VTI1A: variants seen among roughly 807,000 people sequenced by gnomAD.
The protein encoded by VTI1A is vesicle transport through interaction with t-SNAREs homolog 1A.
A neutral mutation model predicts 34.9 loss-of-function variants in VTI1A; 22 were observed. That is an observed-to-expected ratio of 0.63 (90% CI 0.45 to 0.90). VTI1A has a LOEUF of 0.90. VTI1A is among the 40% of genes least tolerant of loss of function. The pLI, the probability that VTI1A is intolerant of heterozygous loss-of-function variation, is 0.00. For synonymous variants in VTI1A, 87 were observed against 97.3 expected (o/e 0.89, Z 0.62); for missense variants, 268 against 275.6 (o/e 0.97, Z 0.20).
intron 5 of VTI1A, among the ~76,000 whole-genome samples, chr10:112,545,290 A>G (rs1851034776): frequency 6.6e-6 from 1 of 152,234 alleles, no homozygotes; most frequent in Non-Finnish European, 1.5e-5. Flanking sequence ...TGTGCCTTGT[A>G]GGGACAAATG....
chr10:112,509,061 T>TA (rs1486647766), intron 3 of VTI1A, among the ~76,000 whole-genome samples: 1 of 152,150 alleles, frequency 6.6e-6, no homozygotes, highest in Non-Finnish European at 1.5e-5. Context: ...TGGACATGAG[T>TA]ATTTGAGGCC....
At chr10:112,611,447 C>G (rs1467813283) in intron 5 of VTI1A, among the ~76,000 whole-genome samples, 1 of 152,114 alleles carries the variant, frequency 6.6e-6, no homozygotes, top group African/African-American at 2.4e-5. Context: ...GGTAATTTGG[C>G]AACATATTAT....
At chr10:112,822,496 A>G (rs1853671541), downstream of VTI1A, among the ~76,000 whole-genome samples, 1 of 152,184 alleles carries the variant, frequency 6.6e-6, no homozygotes, top group Non-Finnish European at 1.5e-5. Context: ...GGCTGAAGGA[A>G]GTCCAAATCC....
intron 7 of VTI1A, among the ~76,000 whole-genome samples, chr10:112,722,986 T>C (rs1355629535): frequency 2.0e-5 from 3 of 152,220 alleles, no homozygotes; most frequent in Non-Finnish European, 4.4e-5. Context: ...ACACTGCTGC[T>C]CTTGAGCCAG....
chr10:112,648,295 G>A (rs1846881812), intron 5 of VTI1A, among the ~76,000 whole-genome samples: 1 of 152,138 alleles, frequency 6.6e-6, no homozygotes, highest in African/African-American at 2.4e-5. Flanking sequence ...GAAAGTTAAT[G>A]GTTTGTGCTG....
intron 5 of VTI1A, among the ~76,000 whole-genome samples, chr10:112,553,594 A>C (rs1484051597): frequency 6.6e-6 from 1 of 152,202 alleles, no homozygotes. Context: ...CAGCCCTTTC[A>C]GGTAGTTATT....
At chr10:112,695,080 A>G (rs1848734978) in intron 7 of VTI1A, among the ~76,000 whole-genome samples, 2 of 152,210 alleles carry the variant, frequency 1.3e-5, no homozygotes, top group Admixed American at 1.3e-4. Flanking sequence ...GGGAAATGGA[A>G]CACATGAAAT....
chr10:112,823,439 C>G (rs1197182717), downstream of VTI1A: 1 of 152,178 alleles, frequency 6.6e-6, no homozygotes. Flanking sequence ...CTGGGCCCGC[C>G]GGCGAGGTGA....
At chr10:112,654,162 A>T (rs1847140152) in intron 5 of VTI1A, among the ~76,000 whole-genome samples, 2 of 152,214 alleles carry the variant, frequency 1.3e-5, no homozygotes. Context: ...GTATTTGGTT[A>T]TGTACTCTCC....
At chr10:112,538,138 A>AC (rs879933472) in intron 4 of VTI1A, 108 bp from the exon 5 acceptor site, 26 of 853,192 alleles carry the variant, frequency 3.0e-5, no homozygotes, top group South Asian at 6.6e-5. Context: ...TGGGTTGCGA[A>AC]CCCCCCCACC....
chr10:112,851,659 G>A, the VTI1A span, among the ~76,000 whole-genome samples: 2 of 152,196 alleles, frequency 1.3e-5, no homozygotes, highest in Non-Finnish European at 2.9e-5. Flanking sequence ...AGAGGGATGT[G>A]AGCGCAGGAA....
At chr10:112,558,292 C>T (rs1287770854) in intron 5 of VTI1A, among the ~76,000 whole-genome samples, 1 of 152,108 alleles carries the variant, frequency 6.6e-6, no homozygotes, top group Non-Finnish European at 1.5e-5. Flanking sequence ...TCCTAATGGG[C>T]AGAGGATCCT....
intron 7 of VTI1A, among the ~76,000 whole-genome samples, chr10:112,766,744 A>G (rs559702705): frequency 3.5e-4 from 53 of 152,370 alleles, no homozygotes; most frequent in African/African-American, 1.3e-3. Context: ...TCTTGTATGC[A>G]TCTTCATAAA....
intron 3 of VTI1A, among the ~76,000 whole-genome samples, chr10:112,479,823 C>G (rs1848404926): frequency 6.6e-6 from 1 of 152,170 alleles, no homozygotes; most frequent in South Asian, 2.1e-4. Context: ...GCATTTTAAA[C>G]CTCAGCTATC....
At chr10:112,539,573 A>G (rs934059840) in intron 5 of VTI1A, among the ~76,000 whole-genome samples, 1 of 152,142 alleles carries the variant, frequency 6.6e-6, no homozygotes. Flanking sequence ...TTGGGAGCTC[A>G]TCTTTAGAGG....
the VTI1A span, among the ~76,000 whole-genome samples, chr10:112,843,712 C>T: frequency 2.6e-5 from 4 of 152,134 alleles, no homozygotes; most frequent in Non-Finnish European, 5.9e-5. Context: ...GGTCTCCAGC[C>T]TCCTGGAACT....
At chr10:112,616,712 G>A (rs1396247593) in intron 5 of VTI1A, among the ~76,000 whole-genome samples, 2 of 152,002 alleles carry the variant, frequency 1.3e-5, no homozygotes, top group African/African-American at 4.8e-5. Flanking sequence ...AAATGATCAA[G>A]CAATATAAGA....
At chr10:112,706,220 CTT>C (rs1225426266) in intron 7 of VTI1A, among the ~76,000 whole-genome samples, 1 of 152,148 alleles carries the variant, frequency 6.6e-6, no homozygotes, top group Non-Finnish European at 1.5e-5. Flanking sequence ...GAGAACATGT[CTT>C]TTAGTTATTT....
chr10:112,569,469 C>A (rs1343111394), intron 5 of VTI1A, among the ~76,000 whole-genome samples: 3 of 152,146 alleles, frequency 2.0e-5, no homozygotes, highest in Non-Finnish European at 4.4e-5. Context: ...CAATTGACTT[C>A]TAGTCTAGAA....
Sources: allele counts gnomAD v4.1 joint callset (sites outside exome capture counted in the v4.1 genomes callset), GRCh38; gene constraint gnomAD v4.1.1; transcripts MANE v1.5; gene names NCBI Gene and HGNC (gene_info 2026-07-23, HGNC 2026-07-21).